Variants in ATL1 observed in about 807,000 individuals in gnomAD.
The protein encoded by ATL1 is atlastin-1.
A neutral mutation model predicts 75.5 loss-of-function variants in ATL1; 31 were observed. That is an observed-to-expected ratio of 0.41 (90% CI 0.31 to 0.55). The LOEUF (loss-of-function observed/expected upper bound fraction) is 0.55, where lower values mean the gene tolerates loss of function less well. Among genes scored for constraint, ATL1 ranks in the 20% least tolerant of loss-of-function variants. ATL1 has a pLI of 0.27. For synonymous variants in ATL1, 226 were observed against 233.3 expected, an observed-to-expected ratio of 0.97 and a Z score of 0.28; for missense variants, 405 against 662.6, an observed-to-expected ratio of 0.61 and a Z score of 4.27.
At chr14:50,631,216 C>T (rs2140242002) in intron 13 of ATL1, 2 of 168,228 alleles carry the variant, frequency 1.2e-5, no homozygotes, top group Admixed American at 1.3e-4. Flanking sequence ...AAGATCGTGC[C>T]ACCACTGCAT....
chr14:50,593,749 T>G (rs2039185968), intron 4 of ATL1, 97 bp from the exon 5 acceptor site: 3 of 784,942 alleles, frequency 3.8e-6, no homozygotes, highest in Non-Finnish European at 6.7e-6. Flanking sequence ...AGAGTCCATT[T>G]TGTGGTAACT....
intron 1 of ATL1, among the ~76,000 whole-genome samples, chr14:50,541,432 A>C (rs1198959431): frequency 1.3e-5 from 2 of 152,232 alleles, no homozygotes; most frequent in African/African-American, 4.8e-5. Context: ...ACAAGGAAGT[A>C]GTGCTCTACC....
At chr14:50,614,179 T>C (rs2039392732) in intron 7 of ATL1, among the ~76,000 whole-genome samples, 194 bp from the exon 8 acceptor site, 1 of 152,158 alleles carries the variant, frequency 6.6e-6, no homozygotes, top group Non-Finnish European at 1.5e-5. Context: ...AACTATGCCA[T>C]GCGTTTTCTA....
At chr14:50,578,589 C>T (rs894537216) in intron 1 of ATL1, among the ~76,000 whole-genome samples, 2 of 152,188 alleles carry the variant, frequency 1.3e-5, no homozygotes, top group Non-Finnish European at 2.9e-5. Context: ...CAAACACACT[C>T]TCCCACACAC....
chr14:50,555,952 T>A (rs1018603886), upstream of ATL1, among the ~76,000 whole-genome samples: 1 of 152,052 alleles, frequency 6.6e-6, no homozygotes, highest in South Asian at 2.1e-4. Context: ...CCTTTACTTA[T>A]GATGGAGGAA....
intron 1 of ATL1, among the ~76,000 whole-genome samples, chr14:50,548,065 CAG>C (rs1491296691): frequency 1.3e-5 from 2 of 152,102 alleles, no homozygotes; most frequent in African/African-American, 4.8e-5. Flanking sequence ...GCCTAAAGAA[CAG>C]GGGATGGGAA....
intron 9 of ATL1, among the ~76,000 whole-genome samples, chr14:50,620,969 G>A (rs1225318241): frequency 6.6e-6 from 1 of 152,068 alleles, no homozygotes; most frequent in Non-Finnish European, 1.5e-5. Context: ...TATCTTGAGG[G>A]AGCTGTATTT....
At chr14:50,594,914 A>T (rs897326734) in intron 5 of ATL1, among the ~76,000 whole-genome samples, 8 of 151,176 alleles carry the variant, frequency 5.3e-5, no homozygotes, top group African/African-American at 1.7e-4. Flanking sequence ...TAGGAGGATC[A>T]CTTGAGCCAG....
chr14:50,549,477 G>C (rs1351512713), intron 1 of ATL1, among the ~76,000 whole-genome samples: 4 of 152,094 alleles, frequency 2.6e-5, no homozygotes, highest in Admixed American at 2.6e-4. Context: ...CAATTGTATT[G>C]GTCCTGTGCC....
Position 50,574,931 on chromosome 14 carries a change from G to GTATA in ATL1, c.35-12899_35-12898insATAT, listed in dbSNP as rs1398197718. Among the ~76,000 whole-genome samples the GTATA allele has an allele frequency of 3.0e-3, 239 of 78,560 alleles. 2 individuals carry two copies. The highest frequency in any genetic ancestry group is 3.9e-3 in the Non-Finnish European group (161 of 41,068). The allele number at this position is 78,560 out of a possible 152,430, so 51.5% of individuals were successfully genotyped here. Reference sequence around the variant, plus strand: ...TGAGTGTGTGTGTGTGTGTGTGTGTGTGTGTGTATATATATATATATATAT... The same window carrying GTATA: ...TGAGTGTGTGTGTGTGTGTGTGTGTGTATATGTGTGTATATATATATATATATAT... On this transcript the variant is annotated intron_variant, in intron 1 of 13. Coordinates refer to ENST00000358385, the MANE Select transcript of ATL1 (RefSeq NM_015915.5).
intron 1 of ATL1, among the ~76,000 whole-genome samples, chr14:50,564,165 G>A (rs1217485494): frequency 6.6e-6 from 1 of 152,178 alleles, no homozygotes; most frequent in Admixed American, 6.5e-5. Flanking sequence ...ATAAGTATCA[G>A]AAACAGTAGC....
intron 1 of ATL1, among the ~76,000 whole-genome samples, chr14:50,554,811 G>A (rs1362402951): frequency 2.0e-5 from 3 of 152,102 alleles, no homozygotes; most frequent in Non-Finnish European, 2.9e-5. Context: ...CCACTCGCTG[G>A]GCTGGACTCG....
chr14:50,593,998 G>A, intron 5 of ATL1, 102 bp downstream of exon 5: 2 of 930,374 alleles, frequency 2.1e-6, no homozygotes, highest in South Asian at 2.7e-5. Flanking sequence ...TTCTGATTCT[G>A]CTGTTTAAAC....
intron 4 of ATL1, 74 bp downstream of exon 4, chr14:50,591,713 T>C (rs2140205612): frequency 9.7e-7 from 1 of 1,031,626 alleles, no homozygotes; most frequent in Non-Finnish European, 1.5e-6. Context: ...ACATACATGT[T>C]ATAATTAGAT....
chr14:50,534,608 A>G (rs1414848040), intron 1 of ATL1, among the ~76,000 whole-genome samples: 3 of 152,274 alleles, frequency 2.0e-5, no homozygotes, highest in Non-Finnish European at 4.4e-5. Context: ...TTATGTTGCC[A>G]GTAATGGCAG....
chr14:50,587,292 G>A (rs1309978744), intron 1 of ATL1, among the ~76,000 whole-genome samples: 1 of 152,094 alleles, frequency 6.6e-6, no homozygotes. Flanking sequence ...GAGTTTTCTT[G>A]AAAAATTTTT....
intron 1 of ATL1, among the ~76,000 whole-genome samples, chr14:50,574,001 G>C (rs10140319): frequency 0.015 from 2,211 of 152,250 alleles, 41 homozygotes; most frequent in African/African-American, 0.051. Context: ...CTACTGAGCT[G>C]GGGTAGCTGG....
In ATL1 at chr14:50,614,465, T is replaced by C. The variant is rs1292710105; in HGVS notation, c.816T>C (p.Pro272=). 6.2e-7 allele frequency: 1 copy of C among 1,613,912 alleles called. No homozygotes were observed. Among genetic ancestry groups the C allele is most frequent in the Non-Finnish European group, 8.5e-7 (1 of 1,179,950 alleles). ...TNISCFLLPH[P]GLKVATNPNF... is the part of the protein sequence containing the mutation. ...TTTCCTGTTTTCTGCTACCTCATCC[T>C]GGCTTAAAAGTAGCTACCAATCCAA... Residue 272 remains proline (P), a synonymous_variant, in exon 8 of 14, where the codon CCT becomes CCC. Transcript: ENST00000358385.
chr14:50,593,709 T>G (rs2039185322), intron 4 of ATL1, 137 bp from the exon 5 acceptor site: 1 of 609,590 alleles, frequency 1.6e-6, no homozygotes, highest in African/African-American at 1.9e-5. Context: ...TCTCAAGGTC[T>G]TACAAATATC....
Sources: allele counts gnomAD v4.1 joint callset (sites outside exome capture counted in the v4.1 genomes callset), GRCh38; gene constraint gnomAD v4.1.1; transcripts MANE v1.5; gene names NCBI Gene and HGNC (gene_info 2026-07-23, HGNC 2026-07-21).